The following FAM91A1 variants were observed in gnomAD, a reference collection of about 807,000 sequenced individuals.
FAM91A1 encodes protein FAM91A1.
Under a neutral mutation model 113.5 loss-of-function variants are expected in FAM91A1, and 41 were observed. That is an observed-to-expected ratio of 0.36 (90% CI 0.28 to 0.47). The LOEUF (loss-of-function observed/expected upper bound fraction) is 0.47, where lower values mean the gene tolerates loss of function less well. Among genes scored for constraint, FAM91A1 ranks in the 20% least tolerant of loss-of-function variants. The pLI, the probability that FAM91A1 is intolerant of heterozygous loss-of-function variation, is 1.00. For synonymous variants in FAM91A1, 307 were observed against 347.9 expected, an observed-to-expected ratio of 0.88 and a Z score of 1.31; for missense variants, 696 against 1,001.2, an observed-to-expected ratio of 0.70 and a Z score of 4.11.
chr8:123,793,636 G>C (rs1815438480), intron 15 of FAM91A1, among the ~76,000 whole-genome samples: 1 of 152,032 alleles, frequency 6.6e-6, no homozygotes. Flanking sequence ...TTTACTTTCT[G>C]GCCAAGCAAT....
Position 123,778,777 on chromosome 8 carries a change from A to G in FAM91A1, c.549+5A>G, listed in dbSNP as rs1455139862. ...ATCACAGAAGATGACATCAAGGTAGAAATCTTTAAAAGTTAAACATAGAAT... is the reference window on the plus strand; with the variant it reads ...ATCACAGAAGATGACATCAAGGTAGGAATCTTTAAAAGTTAAACATAGAAT... On this transcript the variant is annotated splice_donor_5th_base_variant and intron_variant, in intron 6 of 23. Transcript: ENST00000334705. The G allele has an allele frequency of 2.0e-6, 3 of 1,474,938 alleles. No homozygotes were observed. The South Asian group carries it at 4.4e-5, about 21-fold the overall frequency. The allele number at this position is 1,474,938 out of a possible 1,614,324, so 91.4% of individuals were successfully genotyped here.
At chr8:123,790,650 A>T (rs904124466) in intron 15 of FAM91A1, among the ~76,000 whole-genome samples, 1 of 152,174 alleles carries the variant, frequency 6.6e-6, no homozygotes, top group African/African-American at 2.4e-5. Context: ...CTTTCTTTTC[A>T]GCTCAATTTT....
chr8:123,796,166 A>C (rs77827762), intron 15 of FAM91A1, among the ~76,000 whole-genome samples: 15,471 of 147,416 alleles, frequency 0.1, 969 homozygotes, highest in East Asian at 0.25. Flanking sequence ...CCTCTAAATC[A>C]GGGGGTTATA....
intron 1 of FAM91A1, among the ~76,000 whole-genome samples, chr8:123,772,090 A>C (rs1345543953): frequency 1.3e-5 from 2 of 152,240 alleles, no homozygotes; most frequent in African/African-American, 4.8e-5. Flanking sequence ...AGAATCTCAG[A>C]ATGAAGCAAT....
rs751039229 is a variant in FAM91A1 at position 123,786,502 on chromosome 8, T to C, written c.970T>C (p.Leu324=). 2.5e-6 allele frequency: 4 copies of C among 1,611,900 alleles called. No homozygotes were observed. The South Asian group carries it at 4.4e-5, about 18-fold the overall frequency. ...TGCATTCTTCATTAATAGGAGTACC[T>C]TAGATCCACAGAAGATGCTCTTGTC... ...VPSVNRLKST[L]DPQKMLLSWD... The change falls in exon 12 of 24, where the codon TTA becomes CTA. Residue 324 remains leucine, a synonymous_variant. Transcript: ENST00000334705.
intron 22 of FAM91A1, 68 bp from the exon 23 acceptor site, chr8:123,810,214 C>T (rs1815917398): frequency 1.4e-6 from 2 of 1,468,036 alleles, no homozygotes; most frequent in African/African-American, 1.4e-5. Flanking sequence ...TAAAATTAAA[C>T]TCTTATGAGA....
At chr8:123,781,531 G>T (rs1815122731) in intron 8 of FAM91A1, among the ~76,000 whole-genome samples, 1 of 145,586 alleles carries the variant, frequency 6.9e-6, no homozygotes, top group Non-Finnish European at 1.5e-5. Flanking sequence ...AGGCTGGAGT[G>T]CAGTGGCATG....
At chr8:123,775,370 C>A in intron 3 of FAM91A1, 72 bp downstream of exon 3, 2 of 1,540,320 alleles carry the variant, frequency 1.3e-6, no homozygotes, top group South Asian at 1.2e-5. Context: ...TGCAGATGTT[C>A]ACCAGCTCTT....
chr8:123,775,460 C>T (rs1814960244), intron 3 of FAM91A1, among the ~76,000 whole-genome samples, 162 bp downstream of exon 3: 1 of 152,124 alleles, frequency 6.6e-6, no homozygotes, highest in Non-Finnish European at 1.5e-5. Flanking sequence ...CTGTTTGAGC[C>T]ACACTGTACA....
rs116532689 is a variant in FAM91A1, at chr8:123,809,142, A to G, written c.2261+126A>G. 2.8e-4 allele frequency: 374 copies of G among 1,315,492 alleles called. 1 individual carries two copies. In the African/African-American group the frequency reaches 3.9e-3, roughly 14 times the overall value. The allele number at this position is 1,315,492 out of a possible 1,614,324, so 81.5% of individuals were successfully genotyped here. On this transcript the variant is annotated intron_variant, in intron 22 of 23. Coordinates refer to ENST00000334705, the MANE Select transcript of FAM91A1 (RefSeq NM_144963.4). Reference sequence around the variant, plus strand: ...TGTTCTGTATATATTTGTTGATTGAATAGAGATCGCTAGTTTAAGGGTTTT... The same window carrying G: ...TGTTCTGTATATATTTGTTGATTGAGTAGAGATCGCTAGTTTAAGGGTTTT...
At chr8:123,810,411 T>TTC in intron 23 of FAM91A1, 60 bp downstream of exon 23, 1 of 1,440,028 alleles carries the variant, frequency 6.9e-7, no homozygotes, top group Non-Finnish European at 9.8e-7. Flanking sequence ...TGCACAACAC[T>TTC]TCTGTGTTTG....
At chr8:123,804,785 C>T (rs1005445990) in intron 18 of FAM91A1, among the ~76,000 whole-genome samples, 10 of 152,128 alleles carry the variant, frequency 6.6e-5, no homozygotes, top group African/African-American at 2.4e-4. Context: ...TAACCAGTCC[C>T]CTGTTGGTGG....
intron 4 of FAM91A1, among the ~76,000 whole-genome samples, chr8:123,777,648 A>T (rs901161500): frequency 9.9e-5 from 15 of 152,212 alleles, no homozygotes; most frequent in African/African-American, 3.4e-4. Context: ...GTATTTTTGC[A>T]GGGTGACATA....
In FAM91A1 at chr8:123,768,609, C is replaced by G. The variant is rs1387743276; in HGVS notation, c.-94C>G. 3 of 1,162,486 alleles carry G rather than the reference C, an allele frequency of 2.6e-6. No individual in the cohort carries two copies. Among genetic ancestry groups the G allele is most frequent in the Non-Finnish European group, 3.6e-6 (3 of 841,176 alleles). 72.0% of individuals were successfully genotyped at this position (1,162,486 alleles called of 1,614,324 possible). ...CTGCAGTGTGAGGCGCGGGGCCTCC[C>G]GCGTCGCTCCGCTGACAGGCTGCGG... On this transcript the variant is annotated 5_prime_UTR_variant, in exon 1 of 24. Coordinates refer to ENST00000334705, the MANE Select transcript of FAM91A1 (RefSeq NM_144963.4).
chr8:123,800,384 T>C (rs1167760355), intron 18 of FAM91A1, among the ~76,000 whole-genome samples: 5 of 152,194 alleles, frequency 3.3e-5, no homozygotes, highest in Non-Finnish European at 5.9e-5. Flanking sequence ...GTTATATGAA[T>C]GTGGTCTCTC....
intron 1 of FAM91A1, among the ~76,000 whole-genome samples, chr8:123,773,439 C>T (rs775895985): frequency 6.6e-6 from 1 of 152,166 alleles, no homozygotes; most frequent in Non-Finnish European, 1.5e-5. Context: ...ATCAGGCAAA[C>T]GTTGTTTGCT....
chr8:123,789,667 C>T lies in FAM91A1; in HGVS notation c.1333C>T (p.Leu445=). The T allele has an allele frequency of 1.9e-6, 3 of 1,612,454 alleles. No individual in the cohort carries two copies. The highest frequency in any genetic ancestry group is 2.5e-6 in the Non-Finnish European group (3 of 1,179,798). ...GAGATATTTTGATCATGCACTTACT[C>T]TGAGAAACACAATACTGTTTCTGCG... The part of the protein sequence containing the change: ...AQRYFDHALT[L]RNTILFLRHN... Residue 445 remains leucine, a synonymous_variant, in exon 15 of 24, where the codon CTG becomes TTG. Coordinates refer to ENST00000334705, the MANE Select transcript of FAM91A1 (RefSeq NM_144963.4).
chr8:123,786,366 A>C (rs1815257664), intron 11 of FAM91A1, 129 bp from the exon 12 acceptor site: 1 of 681,310 alleles, frequency 1.5e-6, no homozygotes, highest in Non-Finnish European at 2.5e-6. Context: ...GCTGCGACTT[A>C]ATTTTGGGCT....
chr8:123,785,013 C>G (rs1166031617), intron 9 of FAM91A1, 68 bp from the exon 10 acceptor site: 1 of 1,157,392 alleles, frequency 8.6e-7, no homozygotes, highest in Admixed American at 2.5e-5. Context: ...TTATATTGGT[C>G]TATTACAACT....
Sources: allele counts gnomAD v4.1 joint callset (sites outside exome capture counted in the v4.1 genomes callset), GRCh38; gene constraint gnomAD v4.1.1; transcripts MANE v1.5; gene names NCBI Gene and HGNC (gene_info 2026-07-23, HGNC 2026-07-21).